ATF6: variants seen among roughly 807,000 people sequenced by gnomAD.
The protein encoded by ATF6 is cyclic AMP-dependent transcription factor ATF-6 alpha.
ATF6 carries 53 observed loss-of-function variants against 83.6 expected under a neutral mutation model. The ratio of observed to expected loss-of-function variants is 0.63; its 90% CI spans 0.51 to 0.80. The LOEUF (loss-of-function observed/expected upper bound fraction) is 0.80. ATF6 is among the 30% of genes least tolerant of loss of function. The pLI is 0.00. For missense variants in ATF6, 744 were observed against 797.9 expected, an observed-to-expected ratio of 0.93 and a Z score of 0.81; for synonymous variants, 288 against 285.8, an observed-to-expected ratio of 1.01 and a Z score of -0.08.
At position 161,958,496 on chromosome 1, in the gene ATF6, C is replaced by G. The variant is rs1689013379; in HGVS notation, c.1855C>G (p.Gln619Glu). The change falls in exon 16 of 16, where the codon CAG becomes GAG. Residue 619 changes from glutamine to glutamate, a missense_variant. Transcript: ENST00000367942. ...CGAAGTGATGATGCAGATTGACTGT[C>G]AGGTGATGGACACCAGGATCCTCCA... ...DYEVMMQIDC[Q>E]VMDTRILHIK... The G allele has an allele frequency of 6.2e-7, 1 of 1,613,274 alleles. No homozygotes were observed. Among genetic ancestry groups the G allele is most frequent in the Non-Finnish European group, 8.5e-7 (1 of 1,179,562 alleles).
intron 12 of ATF6, among the ~76,000 whole-genome samples, chr1:161,854,730 G>T (rs1030250629): frequency 6.6e-6 from 1 of 152,140 alleles, no homozygotes; most frequent in Admixed American, 6.5e-5. Flanking sequence ...AAGTTAGCCA[G>T]GCGTGGTGGC....
intron 7 of ATF6, among the ~76,000 whole-genome samples, chr1:161,802,764 G>A (rs1685187840): frequency 6.6e-6 from 1 of 152,130 alleles, no homozygotes; most frequent in South Asian, 2.1e-4. Context: ...TAGGAATTCT[G>A]TCTCTTAGTG....
intron 15 of ATF6, among the ~76,000 whole-genome samples, chr1:161,934,314 T>G (rs1688497267): frequency 6.6e-6 from 1 of 152,048 alleles, no homozygotes; most frequent in Non-Finnish European, 1.5e-5. Context: ...TTGAAAAAAA[T>G]AAGAAGCACC....
chr1:161,813,752 T>G (rs1260060058), intron 7 of ATF6, among the ~76,000 whole-genome samples: 1 of 152,198 alleles, frequency 6.6e-6, no homozygotes, highest in East Asian at 1.9e-4. Context: ...TTTATTTTTA[T>G]TTTTAGATTT....
chr1:161,908,220 C>T (rs1687916385), intron 14 of ATF6, among the ~76,000 whole-genome samples: 1 of 152,150 alleles, frequency 6.6e-6, no homozygotes. Flanking sequence ...GTAGAATCAA[C>T]ATTTGATAAC....
chr1:161,958,603 A>C lies in ATF6; in HGVS notation c.1962A>C (p.Ala654=). Residue 654 remains alanine, a synonymous_variant, in exon 16 of 16, where the codon GCA becomes GCC. Coordinates refer to ENST00000367942, the MANE Select transcript of ATF6 (RefSeq NM_007348.4). ...ACACCTTCTTTGGCTCCCCTCCCGC[A>C]GCCACAGAGGCAACCCACGTTGTCA... ...QTNTFFGSPP[A]ATEATHVVST... is the part of the protein sequence containing the mutation. The C allele has an allele frequency of 1.2e-6, 2 of 1,613,780 alleles. No homozygotes were observed. Among genetic ancestry groups the C allele is most frequent in the South Asian group, 2.2e-5 (2 of 91,022 alleles).
intron 9 of ATF6, among the ~76,000 whole-genome samples, chr1:161,833,888 T>A (rs1230567183): frequency 1.3e-5 from 2 of 152,018 alleles, no homozygotes; most frequent in Non-Finnish European, 2.9e-5. Context: ...AACATTCAAA[T>A]TCAGGAAATA....
At chr1:161,766,537 A>G (rs1441767129) in intron 1 of ATF6, 95 bp downstream of exon 1, 2 of 1,152,896 alleles carry the variant, frequency 1.7e-6, no homozygotes, top group East Asian at 2.4e-5. Context: ...ACAGGTGTGG[A>G]CCAACCCTGC....
intron 7 of ATF6, among the ~76,000 whole-genome samples, chr1:161,805,025 C>A (rs1041166128): frequency 6.6e-6 from 1 of 151,858 alleles, no homozygotes; most frequent in African/African-American, 2.4e-5. Flanking sequence ...CTGCTAGAAA[C>A]AAAAGCTAAT....
intron 4 of ATF6, among the ~76,000 whole-genome samples, chr1:161,786,803 C>T (rs1684758501): frequency 1.1e-4 from 17 of 152,170 alleles, no homozygotes; most frequent in Admixed American, 1.1e-3. Flanking sequence ...ATAATCTAAC[C>T]TTCAGCTCTC....
chr1:161,881,965 A>G (rs1687333714), intron 14 of ATF6, among the ~76,000 whole-genome samples: 1 of 152,110 alleles, frequency 6.6e-6, no homozygotes, highest in East Asian at 1.9e-4. Flanking sequence ...TGCAAGGTGT[A>G]TATCAAAGTT....
intron 12 of ATF6, among the ~76,000 whole-genome samples, chr1:161,855,005 T>A (rs1318175241): frequency 6.6e-6 from 1 of 151,660 alleles, no homozygotes; most frequent in Non-Finnish European, 1.5e-5. Context: ...GGGAGAGTGG[T>A]AGATGAGATT....
chr1:161,824,411 G>C (rs1174794920), intron 9 of ATF6, among the ~76,000 whole-genome samples: 2 of 146,748 alleles, frequency 1.4e-5, no homozygotes, highest in Non-Finnish European at 3.0e-5. Context: ...AAGCTCAAAT[G>C]CCACCCCTGT....
rs758019930 is a variant in ATF6 at position 161,896,349 on chromosome 1, G to A, written c.1720-15947G>A. Among the ~76,000 whole-genome samples, 72 of 152,102 alleles carry A rather than the reference G, an allele frequency of 4.7e-4. 1 individual carries two copies. Among genetic ancestry groups the A allele is most frequent in the Non-Finnish European group, 7.4e-4 (50 of 68,020 alleles). On this transcript the variant is annotated intron_variant, in intron 14 of 15. Coordinates refer to ENST00000367942, the MANE Select transcript of ATF6 (RefSeq NM_007348.4). ...TGACCTCAAGTGATCTGCCTGCCTC[G>A]GCCTCCCAAAGTGCTGAAATTACAG...
chr1:161,791,611 G>C (rs939626410), intron 5 of ATF6, 74 bp downstream of exon 5: 4 of 1,477,366 alleles, frequency 2.7e-6, no homozygotes, highest in African/African-American at 1.4e-5. Flanking sequence ...AAAAGAAAAT[G>C]CTGGATTAAA....
At chr1:161,958,365 C>G (rs1454813169) in intron 15 of ATF6, 81 bp from the exon 16 acceptor site, 10 of 1,391,022 alleles carry the variant, frequency 7.2e-6, no homozygotes, top group Non-Finnish European at 9.9e-6. Context: ...AAGCACATTT[C>G]TGTATTTCTG....
At chr1:161,803,213 A>G (rs545030210) in intron 7 of ATF6, among the ~76,000 whole-genome samples, 1 of 152,342 alleles carries the variant, frequency 6.6e-6, no homozygotes, top group African/African-American at 2.4e-5. Flanking sequence ...ATTAACCAGC[A>G]TGTCAGTGAC....
chr1:161,919,843 C>G (rs1418532229), intron 15 of ATF6, among the ~76,000 whole-genome samples: 1 of 152,170 alleles, frequency 6.6e-6, no homozygotes, highest in Non-Finnish European at 1.5e-5. Context: ...AGCTTAATAG[C>G]AATGGTTGCA....
At chr1:161,909,938 A>G (rs1687956457) in intron 14 of ATF6, among the ~76,000 whole-genome samples, 1 of 152,220 alleles carries the variant, frequency 6.6e-6, no homozygotes. Context: ...CTTGGGTGAC[A>G]GAGCAAGACT....
Sources: gnomAD v4.1 joint callset for allele counts (sites outside exome capture counted in the v4.1 genomes callset) on GRCh38, gnomAD v4.1.1 for gene constraint, MANE v1.5 for transcripts, NCBI Gene and HGNC (gene_info 2026-07-23, HGNC 2026-07-21) for gene names.